Variants in CRIM1 observed in about 807,000 individuals in gnomAD.
The protein encoded by CRIM1 is cysteine-rich motor neuron 1 protein.
CRIM1 carries 32 observed loss-of-function variants against 116.4 expected under a neutral mutation model. The ratio of observed to expected loss-of-function variants is 0.27; its 90% confidence interval spans 0.21 to 0.37. CRIM1 has a LOEUF of 0.37. CRIM1 is among the 10% of genes least tolerant of loss of function. CRIM1 has a pLI of 1.00. For missense variants in CRIM1, 1,331 were observed against 1,354.8 expected (o/e 0.98, Z 0.28); for synonymous variants, 590 against 509.2 (o/e 1.16, Z -2.13).
chr2:36,371,347 C>G (rs1346897514), intron 1 of CRIM1, among the ~76,000 whole-genome samples: 6 of 152,110 alleles, frequency 3.9e-5, no homozygotes, highest in African/African-American at 4.8e-5. Context: ...ATTTCTGTCT[C>G]TCTGCCTCAT....
Position 36,547,032 on chromosome 2 carries a change from G to A in CRIM1, c.2795G>A (p.Ser932Asn). ...VDYRDNRLHP[S>N]EDSSLDSIAS... The stretch of plus-strand genomic sequence containing the variant: ...TACAGAGATAACAGGCTGCACCCAA[G>A]TGAAGATTCTTCACTGGACTCCATT... Residue 932 changes from serine to asparagine, a missense_variant, in exon 16 of 17, where the codon AGT (serine) becomes AAT (asparagine). By Grantham distance (46) the Ser-to-Asn change is conservative. Transcript: ENST00000280527. 2 of 1,613,148 alleles carry A rather than the reference G, an allele frequency of 1.2e-6. No homozygotes were observed. The highest frequency in any genetic ancestry group is 1.7e-6 in the Non-Finnish European group (2 of 1,179,316).
At chr2:36,383,296 T>G (rs1283000399) in intron 1 of CRIM1, among the ~76,000 whole-genome samples, 1 of 152,246 alleles carries the variant, frequency 6.6e-6, no homozygotes, top group Non-Finnish European at 1.5e-5. Context: ...ATAAAAAATT[T>G]TTCCTTGACT....
At chr2:36,357,168 C>T (rs1451778487) in intron 1 of CRIM1, among the ~76,000 whole-genome samples, 9 of 152,214 alleles carry the variant, frequency 5.9e-5, no homozygotes, top group Admixed American at 6.5e-5. Flanking sequence ...CCTTCCTCCT[C>T]CTCCGCAGAT....
At chr2:36,357,698 T>TC (rs1668945943) in intron 1 of CRIM1, among the ~76,000 whole-genome samples, 1 of 152,150 alleles carries the variant, frequency 6.6e-6, no homozygotes, top group African/African-American at 2.4e-5. Context: ...ATGATGCTGT[T>TC]CCGGGGGCAT....
At chr2:36,478,428 A>C (rs1014031162) in intron 6 of CRIM1, among the ~76,000 whole-genome samples, 1 of 152,200 alleles carries the variant, frequency 6.6e-6, no homozygotes, top group Non-Finnish European at 1.5e-5. Flanking sequence ...TTGTCTGGGC[A>C]TGGATCCAGT....
intron 8 of CRIM1, among the ~76,000 whole-genome samples, chr2:36,501,720 T>G (rs946421917): frequency 1.3e-5 from 2 of 150,704 alleles, no homozygotes; most frequent in Admixed American, 1.3e-4. Context: ...AGACCCTTTT[T>G]CAAAAAACTA....
At chr2:36,533,982 G>GA (rs1369750599) in intron 13 of CRIM1, among the ~76,000 whole-genome samples, 1 of 147,130 alleles carries the variant, frequency 6.8e-6, no homozygotes, top group Non-Finnish European at 1.5e-5. Context: ...GAAGGAAGGA[G>GA]AGAGGGGGAA....
At chr2:36,491,315 G>C (rs1002988141) in intron 7 of CRIM1, among the ~76,000 whole-genome samples, 1 of 152,042 alleles carries the variant, frequency 6.6e-6, no homozygotes, top group Admixed American at 6.5e-5. Flanking sequence ...TCTCATTTTG[G>C]ACGGCTTGGA....
At chr2:36,446,200 C>T (rs1676230576) in intron 4 of CRIM1, among the ~76,000 whole-genome samples, 1 of 152,128 alleles carries the variant, frequency 6.6e-6, no homozygotes, top group Admixed American at 6.5e-5. Context: ...TTGAAGAATA[C>T]ATTCCTCCCT....
At chr2:36,441,786 A>G (rs752125505) in intron 3 of CRIM1, among the ~76,000 whole-genome samples, 1 of 152,074 alleles carries the variant, frequency 6.6e-6, no homozygotes, top group Non-Finnish European at 1.5e-5. Context: ...GTAGGGTTAA[A>G]ATTTATGGTA....
chr2:36,357,023 C>G (rs575442387), intron 1 of CRIM1, among the ~76,000 whole-genome samples: 1 of 152,334 alleles, frequency 6.6e-6, no homozygotes, highest in East Asian at 1.9e-4. Context: ...CCGCCCTCCC[C>G]GCACTGGCGC....
At chr2:36,379,509 T>C (rs1025602539) in intron 1 of CRIM1, among the ~76,000 whole-genome samples, 1 of 152,186 alleles carries the variant, frequency 6.6e-6, no homozygotes, top group Non-Finnish European at 1.5e-5. Context: ...AGTGCGGCCT[T>C]CCCAAAGTAT....
chr2:36,486,996 G>T (rs1679869557), intron 7 of CRIM1, among the ~76,000 whole-genome samples: 1 of 152,146 alleles, frequency 6.6e-6, no homozygotes, highest in African/African-American at 2.4e-5. Flanking sequence ...AAAAAGAAAA[G>T]ATTCCATCTT....
chr2:36,462,779 A>C (rs1262130593), intron 4 of CRIM1, among the ~76,000 whole-genome samples: 1 of 152,222 alleles, frequency 6.6e-6, no homozygotes, highest in Non-Finnish European at 1.5e-5. Flanking sequence ...AGTTGTACAG[A>C]GTGCCAAGTA....
chr2:36,390,497 C>CTTACTT (rs1021184431), intron 1 of CRIM1, among the ~76,000 whole-genome samples: 13 of 152,162 alleles, frequency 8.5e-5, no homozygotes, highest in Non-Finnish European at 5.9e-5. Flanking sequence ...GTTGAAGATA[C>CTTACTT]TTACTTTTCA....
intron 4 of CRIM1, among the ~76,000 whole-genome samples, chr2:36,452,116 GT>G (rs35082131): frequency 0.049 from 6,991 of 143,972 alleles, 232 homozygotes; most frequent in East Asian, 0.097. Context: ...AACAGTTTGG[GT>G]TTTTTTTTTT....
intron 2 of CRIM1, among the ~76,000 whole-genome samples, chr2:36,421,040 T>C (rs1674021962): frequency 6.6e-6 from 1 of 152,232 alleles, no homozygotes; most frequent in Non-Finnish European, 1.5e-5. Flanking sequence ...GAAATTTTAT[T>C]GCAGTAGCAT....
At chr2:36,368,394 T>C (rs1260165228) in intron 1 of CRIM1, among the ~76,000 whole-genome samples, 1 of 152,244 alleles carries the variant, frequency 6.6e-6, no homozygotes, top group Non-Finnish European at 1.5e-5. Context: ...ACTGCGAAGC[T>C]TGGAAAGTTG....
At chr2:36,505,734 G>A (rs1425056706) in intron 8 of CRIM1, among the ~76,000 whole-genome samples, 2 of 143,362 alleles carry the variant, frequency 1.4e-5, no homozygotes, top group East Asian at 2.1e-4. Flanking sequence ...ATTTAAGAAA[G>A]GTTAACAAAA....
Sources: allele counts gnomAD v4.1 joint callset (sites outside exome capture counted in the v4.1 genomes callset), GRCh38; gene constraint gnomAD v4.1.1; transcripts MANE v1.5; gene names NCBI Gene and HGNC (gene_info 2026-07-23, HGNC 2026-07-21).